Variants in ZFHX3 observed in about 807,000 individuals in gnomAD.
ZFHX3 encodes zinc finger homeobox 3.
ZFHX3 carries 42 observed loss-of-function variants against 279.1 expected under a neutral mutation model. The observed-to-expected ratio is 0.15, with a 90% CI of 0.12 to 0.19. The LOEUF (loss-of-function observed/expected upper bound fraction) is 0.19. Among genes scored for constraint, ZFHX3 ranks in the 10% least tolerant of loss-of-function variants. The probability of loss-of-function intolerance (pLI) is 1.00; values close to 1 mark genes in which losing one functional copy is unlikely to be tolerated. For missense variants in ZFHX3, 4,981 were observed against 4,754.0 expected, an observed-to-expected ratio of 1.05 and a Z score of -1.40; for synonymous variants, 2,293 against 1,957.8, an observed-to-expected ratio of 1.17 and a Z score of -4.52.
chr16:73,877,208 G>GT (rs1309054590), intron 1 of ZFHX3, among the ~76,000 whole-genome samples: 1 of 141,462 alleles, frequency 7.1e-6, no homozygotes, highest in East Asian at 2.4e-4. Flanking sequence ...AGGTCGGGGG[G>GT]GGGTCCCAGG....
At chr16:73,067,306 G>A (rs1965767715) in intron 8 of ZFHX3, among the ~76,000 whole-genome samples, 1 of 152,218 alleles carries the variant, frequency 6.6e-6, no homozygotes, top group African/African-American at 2.4e-5. Context: ...ACAGTTGAAT[G>A]CTAAAGGTTA....
At chr16:72,805,197 G>C (rs1201453984) in intron 7 of ZFHX3, among the ~76,000 whole-genome samples, 1 of 151,914 alleles carries the variant, frequency 6.6e-6, no homozygotes, top group Non-Finnish European at 1.5e-5. Flanking sequence ...GGCCAGGCTG[G>C]TCTCGAACTC....
At chr16:73,185,453 C>T (rs1216388354) in intron 5 of ZFHX3, among the ~76,000 whole-genome samples, 1 of 152,172 alleles carries the variant, frequency 6.6e-6, no homozygotes, top group Admixed American at 6.5e-5. Flanking sequence ...CAAGAGCCCA[C>T]ACTCTTAACT....
intron 5 of ZFHX3, among the ~76,000 whole-genome samples, chr16:73,210,843 A>G (rs1171760125): frequency 1.3e-5 from 2 of 151,986 alleles, no homozygotes; most frequent in African/African-American, 4.8e-5. Context: ...TTTTTTTCCC[A>G]AAAGATTTTT....
At chr16:73,468,103 A>G (rs1452313685) in intron 2 of ZFHX3, among the ~76,000 whole-genome samples, 1 of 152,222 alleles carries the variant, frequency 6.6e-6, no homozygotes, top group Non-Finnish European at 1.5e-5. Context: ...CAAACAACTG[A>G]CTTAAACAAG....
chr16:73,557,958 C>G (rs562442337), intron 2 of ZFHX3, among the ~76,000 whole-genome samples: 3 of 152,290 alleles, frequency 2.0e-5, no homozygotes, highest in East Asian at 3.9e-4. Context: ...TGTGGAAGCA[C>G]GACATCTCAG....
intron 3 of ZFHX3, among the ~76,000 whole-genome samples, chr16:72,898,303 C>T (rs974452576): frequency 1.2e-4 from 18 of 152,136 alleles, no homozygotes; most frequent in Admixed American, 3.9e-4. Context: ...TCCCTTAGAT[C>T]AATCCATTTG....
chr16:72,981,110 T>C (rs1007438713), intron 1 of ZFHX3, among the ~76,000 whole-genome samples: 4 of 152,164 alleles, frequency 2.6e-5, no homozygotes, highest in African/African-American at 9.7e-5. Flanking sequence ...TCCGAAGGGC[T>C]TTCCTCCCAG....
rs374416547 is a variant in ZFHX3 at position 72,787,694 on chromosome 16, A to AGCC, written c.10579_10581dup (p.Gly3527dup). 43,052 of 1,416,790 alleles carry AGCC rather than the reference A, an allele frequency of 0.03. 546 individuals are homozygous for AGCC. The highest frequency in any genetic ancestry group is 0.056 in the African/African-American group (3,836 of 68,170). 87.8% of individuals were successfully genotyped at this position (1,416,790 alleles called of 1,614,324 possible). A position where few individuals can be genotyped will look rare whatever the true frequency, so the allele number is the denominator to read the frequency against. On this transcript the variant is annotated inframe_insertion, in exon 10 of 10. Transcript: ENST00000268489. ...CTCTCGCACGCCAGGCAGTGGTACG[A>AGCC]GCCGCCGCCGCCGCCGCCGCCGCCA...
intron 4 of ZFHX3, among the ~76,000 whole-genome samples, chr16:73,267,295 G>C (rs1440492362): frequency 6.6e-6 from 1 of 151,984 alleles, no homozygotes. Flanking sequence ...CTTGGGTCTG[G>C]GGCACAGGGT....
At position 73,426,084 on chromosome 16, in the gene ZFHX3, C is replaced by A. The variant is rs2017805233; in HGVS notation, c.-1291+29919G>T. Among the ~76,000 whole-genome samples the A allele has an allele frequency of 2.6e-5, 4 of 152,340 alleles. No individual in the cohort carries two copies. In the South Asian group the frequency reaches 8.3e-4, roughly 32 times the overall value. On this transcript the variant is annotated intron_variant, in intron 3 of 17. Coordinates refer to the ZFHX3 transcript ENST00000641206. ...CTGGCTGGCCACACCTCAGTGGGTA[C>A]TAACTGGTGAGTCCCAGCTGGTGTG...
intron 5 of ZFHX3, among the ~76,000 whole-genome samples, chr16:73,199,074 C>T (rs113854190): frequency 2.0e-5 from 3 of 152,176 alleles, no homozygotes; most frequent in South Asian, 2.1e-4. Flanking sequence ...GTTTTACCTT[C>T]CAGGTGTATA....
intron 1 of ZFHX3, among the ~76,000 whole-genome samples, chr16:73,777,664 G>A (rs1333237894): frequency 6.6e-6 from 1 of 151,924 alleles, no homozygotes. Flanking sequence ...AACAATGGCT[G>A]ATACCCAATG....
chr16:72,999,691 C>T lies in ZFHX3; in HGVS notation c.-49-39497G>A, dbSNP rs138170874. On this transcript the variant is annotated intron_variant, in intron 1 of 9. Coordinates refer to ENST00000268489, the MANE Select transcript of ZFHX3 (RefSeq NM_006885.4). The stretch of plus-strand genomic sequence containing the variant: ...CCTATTGGGCACGATACAAGTCAGA[C>T]ATGGGACAGCCTTCGATGCCAGCGT... Among the ~76,000 whole-genome samples the T allele has an allele frequency of 4.5e-4, 68 of 152,344 alleles. 1 individual carries two copies. Among genetic ancestry groups the T allele is most frequent in the East Asian group, 3.7e-3 (19 of 5,176 alleles).
intron 4 of ZFHX3, among the ~76,000 whole-genome samples, chr16:72,888,076 G>C (rs77166525): frequency 6.6e-6 from 1 of 152,134 alleles, no homozygotes. Flanking sequence ...GTAGAAGTAT[G>C]AGAAGAAACA....
intron 1 of ZFHX3, among the ~76,000 whole-genome samples, chr16:73,784,225 T>C (rs1303868554): frequency 6.6e-6 from 1 of 152,052 alleles, no homozygotes; most frequent in Non-Finnish European, 1.5e-5. Context: ...TTCAATTCCA[T>C]CATCTATAAA....
In ZFHX3 at chr16:73,424,175, C is replaced by T. The variant is rs147285037; in HGVS notation, c.-1291+31828G>A. 4.9e-3 allele frequency among the ~76,000 whole-genome samples: 739 copies of T among 152,198 alleles called. 4 individuals are homozygous for T. Among genetic ancestry groups the T allele is most frequent in the Non-Finnish European group, 8.4e-3 (572 of 68,036 alleles). On this transcript the variant is annotated intron_variant, in intron 3 of 17. Transcript: ENST00000641206. ...AAACAGATTCTTACTACTTTCACCC[C>T]GAAAGCATACTGACCAATAGAAAGG...
chr16:72,940,563 G>C (rs1453533038), intron 3 of ZFHX3, among the ~76,000 whole-genome samples: 1 of 152,158 alleles, frequency 6.6e-6, no homozygotes, highest in Non-Finnish European at 1.5e-5. Context: ...GGTCAGCTCA[G>C]AAGGGGTTAG....
chr16:73,771,362 G>C (rs2054015713), intron 1 of ZFHX3, among the ~76,000 whole-genome samples: 1 of 152,114 alleles, frequency 6.6e-6, no homozygotes, highest in African/African-American at 2.4e-5. Context: ...CCCTGACTCA[G>C]CCTAACTCCC....
Sources: gnomAD v4.1 joint callset for allele counts (sites outside exome capture counted in the v4.1 genomes callset) on GRCh38, gnomAD v4.1.1 for gene constraint, MANE v1.5 for transcripts, NCBI Gene and HGNC (gene_info 2026-07-23, HGNC 2026-07-21) for gene names.